Variants in PDE8B observed in about 807,000 individuals in gnomAD.
PDE8B encodes high affinity cAMP-specific and IBMX-insensitive 3',5'-cyclic phosphodiesterase 8B.
Under a neutral mutation model 101.3 loss-of-function variants are expected in PDE8B, and 26 were observed. That is an observed-to-expected ratio of 0.26 (90% confidence interval 0.19 to 0.36). PDE8B has a LOEUF of 0.36. Ranked by LOEUF, PDE8B falls within the 10% of genes least tolerant of loss-of-function variation. The pLI is 1.00. For synonymous variants in PDE8B, 424 were observed against 429.3 expected (o/e 0.99, Z 0.15); for missense variants, 810 against 1,163.1 (o/e 0.70, Z 4.42).
chr5:77,310,551 C>CT (rs1772368397), intron 1 of PDE8B, among the ~76,000 whole-genome samples: 2 of 152,236 alleles, frequency 1.3e-5, no homozygotes, highest in African/African-American at 4.8e-5. Context: ...CAGTGAAACA[C>CT]TGAAGGAACT....
Position 77,211,336 on chromosome 5 carries a change from C to T in PDE8B, c.339+72C>T. On this transcript the variant is annotated intron_variant, in intron 1 of 21. Coordinates refer to ENST00000264917, the MANE Select transcript of PDE8B (RefSeq NM_003719.5). The surrounding 1 kb of genome is among the most constrained non-coding windows in gnomAD (Gnocchi z 4.1). ...CGGCGGGGCTCGCACGGGTAGGGGG[C>T]TCCGGCGGAGTTGGGTGACCGTGAG... is the stretch of plus-strand genomic sequence containing the variant. 1 of 1,424,578 alleles carries T rather than the reference C, an allele frequency of 7.0e-7. No individual in the cohort carries two copies. Among genetic ancestry groups the T allele is most frequent in the Non-Finnish European group, 9.4e-7 (1 of 1,066,422 alleles). The allele number at this position is 1,424,578 out of a possible 1,614,324, so 88.2% of individuals were successfully genotyped here.
chr5:77,210,745 C>T lies in PDE8B; in HGVS notation c.-181C>T. The stretch of plus-strand genomic sequence containing the variant: ...AAAGGGAAAGTTGGGGTGACGCGCG[C>T]GGTCCCCGGAGGCTCGGCGGGGGGC... On this transcript the variant is annotated 5_prime_UTR_variant, in exon 1 of 22. Coordinates refer to ENST00000264917, the MANE Select transcript of PDE8B (RefSeq NM_003719.5). This position sits in a 1 kb window ranked among gnomAD's most constrained non-coding sequence, Gnocchi z 4.9. The T allele has an allele frequency of 5.1e-6, 5 of 981,758 alleles. No individual in the cohort carries two copies. Among genetic ancestry groups the T allele is most frequent in the African/African-American group, 1.8e-5 (1 of 56,730 alleles). The allele number at this position is 981,758 out of a possible 1,614,324, so 60.8% of individuals were successfully genotyped here. A position where few individuals can be genotyped will look rare whatever the true frequency, so the allele number is the denominator to read the frequency against.
Position 77,344,833 on chromosome 5 carries a change from C to T in PDE8B, c.798-20C>T, listed in dbSNP as rs1391455360. 4.0e-6 allele frequency: 6 copies of T among 1,494,830 alleles called. No homozygotes were observed. The highest frequency in any genetic ancestry group is 1.4e-5 in the African/African-American group (1 of 72,614). The allele number at this position is 1,494,830 out of a possible 1,614,324, so 92.6% of individuals were successfully genotyped here. On this transcript the variant is annotated intron_variant, in intron 6 of 21. Coordinates refer to ENST00000264917, the MANE Select transcript of PDE8B (RefSeq NM_003719.5). ...ATGGTTTTCATAGAAGAACTAACTT[C>T]AATCTTTTATAACTTTCAGGGCCTG...
intron 14 of PDE8B, among the ~76,000 whole-genome samples, chr5:77,410,273 C>T (rs1380212601): frequency 6.6e-6 from 1 of 152,286 alleles, no homozygotes; most frequent in East Asian, 1.9e-4. Context: ...TCAGAGGCAG[C>T]ACTGCACTCA....
chr5:77,288,688 T>A (rs570836799), intron 1 of PDE8B, among the ~76,000 whole-genome samples: 31 of 152,282 alleles, frequency 2.0e-4, no homozygotes, highest in African/African-American at 7.5e-4. Context: ...AGTTTGACAG[T>A]TGCTATGTTT....
At chr5:77,205,782 TAATC>T (rs1435089990), upstream of PDE8B, among the ~76,000 whole-genome samples, 1 of 152,212 alleles carries the variant, frequency 6.6e-6, no homozygotes, top group African/African-American at 2.4e-5. Context: ...TCTATATTTG[TAATC>T]AATCTATGTA....
At chr5:77,246,368 A>G (rs1163140226) in intron 1 of PDE8B, among the ~76,000 whole-genome samples, 2 of 152,196 alleles carry the variant, frequency 1.3e-5, no homozygotes, top group Non-Finnish European at 2.9e-5. Flanking sequence ...ATCTGAGGTC[A>G]GGAAGAGAAA....
At chr5:77,414,418 T>G (rs1454200172) in intron 17 of PDE8B, among the ~76,000 whole-genome samples, 1 of 152,198 alleles carries the variant, frequency 6.6e-6, no homozygotes, top group South Asian at 2.1e-4. Context: ...CTCCTCTTTT[T>G]TAAAATTTTT....
chr5:77,247,543 C>T (rs754269747), intron 1 of PDE8B, among the ~76,000 whole-genome samples: 1 of 152,168 alleles, frequency 6.6e-6, no homozygotes, highest in Non-Finnish European at 1.5e-5. Flanking sequence ...CCTGGCTGCT[C>T]TGCATGTTCA....
chr5:77,369,863 A>G (rs1784779939), intron 10 of PDE8B, among the ~76,000 whole-genome samples: 1 of 152,258 alleles, frequency 6.6e-6, no homozygotes, highest in South Asian at 2.1e-4. Flanking sequence ...AAAGACACCC[A>G]GAGCTCACCC....
intron 10 of PDE8B, among the ~76,000 whole-genome samples, chr5:77,372,929 G>A (rs1418937146): frequency 6.6e-6 from 1 of 152,130 alleles, no homozygotes; most frequent in African/African-American, 2.4e-5. Flanking sequence ...TCAAGAGGCT[G>A]AGGCAGGAGA....
chr5:77,356,725 C>T (rs1238722924), intron 10 of PDE8B, among the ~76,000 whole-genome samples: 1 of 152,190 alleles, frequency 6.6e-6, no homozygotes, highest in Non-Finnish European at 1.5e-5. Context: ...CCAACACACC[C>T]AGCCATCAGC....
the PDE8B span, among the ~76,000 whole-genome samples, chr5:77,167,258 C>T: frequency 2.0e-5 from 3 of 152,180 alleles, no homozygotes; most frequent in Non-Finnish European, 4.4e-5. Context: ...CAACACTCCT[C>T]ACCATTCTTT....
intron 1 of PDE8B, among the ~76,000 whole-genome samples, chr5:77,303,827 T>C (rs1770542468): frequency 6.6e-6 from 1 of 152,242 alleles, no homozygotes; most frequent in Non-Finnish European, 1.5e-5. Context: ...TTTTGTTGTT[T>C]AACTCAATGT....
intron 1 of PDE8B, among the ~76,000 whole-genome samples, chr5:77,246,451 C>A (rs1455709712): frequency 1.3e-5 from 2 of 152,128 alleles, no homozygotes; most frequent in Non-Finnish European, 2.9e-5. Context: ...ACCGGTCTGG[C>A]TCACTACCTA....
the PDE8B span, among the ~76,000 whole-genome samples, chr5:77,176,635 C>T: frequency 1.2e-3 from 179 of 152,116 alleles, no homozygotes; most frequent in African/African-American, 4.1e-3. Flanking sequence ...TCCCTACTGG[C>T]GGTAAGGATG....
intron 10 of PDE8B, among the ~76,000 whole-genome samples, chr5:77,367,043 C>G (rs1784266930): frequency 6.6e-6 from 1 of 152,050 alleles, no homozygotes; most frequent in South Asian, 2.1e-4. Flanking sequence ...ATGGGGCCAA[C>G]AGGGTAAAAC....
the PDE8B span, among the ~76,000 whole-genome samples, chr5:77,126,666 T>A: frequency 1.3e-5 from 2 of 152,304 alleles, no homozygotes; most frequent in South Asian, 4.1e-4. Flanking sequence ...CAATCCTATC[T>A]GCCTTGGCCT....
intron 10 of PDE8B, among the ~76,000 whole-genome samples, chr5:77,387,027 G>A (rs1788829515): frequency 6.7e-6 from 1 of 150,140 alleles, no homozygotes; most frequent in Non-Finnish European, 1.5e-5. Context: ...GGGACTACAG[G>A]CGCCCGCCAC....
Sources: gnomAD v4.1 joint callset for allele counts (sites outside exome capture counted in the v4.1 genomes callset) on GRCh38, gnomAD v4.1.1 for gene constraint, Gnocchi (gnomAD v3.1) non-coding constraint, MANE v1.5 for transcripts, NCBI Gene and HGNC (gene_info 2026-07-23, HGNC 2026-07-21) for gene names.